Variants in SLC16A7 observed in about 807,000 individuals in gnomAD.
The protein encoded by SLC16A7 is monocarboxylate transporter 2.
SLC16A7 carries 33 observed loss-of-function variants against 34.9 expected under a neutral mutation model. The ratio of observed to expected loss-of-function variants is 0.94; its 90% confidence interval spans 0.72 to 1.26. The LOEUF is 1.26. Ranked by LOEUF, SLC16A7 falls within the 50% of genes most tolerant of loss-of-function variation. The pLI is 0.00. For missense variants in SLC16A7, 573 were observed against 578.1 expected (o/e 0.99, Z 0.09); for synonymous variants, 201 against 206.6 (o/e 0.97, Z 0.23).
At chr12:59,735,703 T>G (rs1877509373) in intron 3 of SLC16A7, among the ~76,000 whole-genome samples, 1 of 152,192 alleles carries the variant, frequency 6.6e-6, no homozygotes, top group African/African-American at 2.4e-5. Context: ...ACTGTAGCCC[T>G]GCTGCTTTTG....
intron 3 of SLC16A7, among the ~76,000 whole-genome samples, chr12:59,730,007 T>C (rs112908028): frequency 1.1e-3 from 169 of 152,300 alleles, no homozygotes; most frequent in Non-Finnish European, 2.1e-3. Context: ...ATTTGCAAGA[T>C]AGTTCTGTGT....
At chr12:59,716,207 G>A (rs1874876712) in intron 3 of SLC16A7, among the ~76,000 whole-genome samples, 1 of 152,170 alleles carries the variant, frequency 6.6e-6, no homozygotes, top group South Asian at 2.1e-4. Context: ...GTGGTTTCCT[G>A]CTTTGGCCTT....
At chr12:59,720,749 A>G (rs1466881968) in intron 3 of SLC16A7, among the ~76,000 whole-genome samples, 1 of 152,052 alleles carries the variant, frequency 6.6e-6, no homozygotes, top group African/African-American at 2.4e-5. Flanking sequence ...CTCAATCACC[A>G]TGTCGTATCT....
intron 3 of SLC16A7, among the ~76,000 whole-genome samples, chr12:59,739,523 T>G (rs1184316681): frequency 1.4e-5 from 2 of 143,702 alleles, no homozygotes; most frequent in Non-Finnish European, 3.0e-5. Context: ...TGTGTCTTTA[T>G]AGCAGCATGA....
intron 2 of SLC16A7, among the ~76,000 whole-genome samples, chr12:59,701,466 G>C (rs1188798374): frequency 6.6e-6 from 1 of 150,442 alleles, no homozygotes; most frequent in Non-Finnish European, 1.5e-5. Flanking sequence ...TTGTGTATAT[G>C]TGTGTGTGTG....
chr12:59,635,012 C>G (rs1022635511), intron 1 of SLC16A7, among the ~76,000 whole-genome samples: 3 of 152,000 alleles, frequency 2.0e-5, no homozygotes, highest in African/African-American at 7.2e-5. Flanking sequence ...ATTCTTTCAT[C>G]TAGTGTTAGT....
At chr12:59,745,036 A>T (rs1878745518) in intron 3 of SLC16A7, among the ~76,000 whole-genome samples, 1 of 152,068 alleles carries the variant, frequency 6.6e-6, no homozygotes, top group Admixed American at 6.6e-5. Context: ...GGTAGGGTAG[A>T]CCCTAAGGTT....
rs1041229907 is a variant in SLC16A7, at chr12:59,749,101, A to G, written c.218-22118A>G. Among the ~76,000 whole-genome samples, 8 of 152,330 alleles carry G rather than the reference A, an allele frequency of 5.3e-5. No individual in the cohort carries two copies. In the East Asian group the frequency reaches 1.5e-3, roughly 29 times the overall value. The stretch of plus-strand genomic sequence containing the variant: ...GACAAAAGTACACTAGTTTGGGGAA[A>G]AAAATGCCACAAAGGAAATTTATTA... On this transcript the variant is annotated intron_variant, in intron 3 of 5. Transcript: ENST00000547379.
chr12:59,712,015 GAC>G (rs1447667896), intron 3 of SLC16A7, among the ~76,000 whole-genome samples: 1 of 152,168 alleles, frequency 6.6e-6, no homozygotes, highest in Non-Finnish European at 1.5e-5. Context: ...TTTTACCTTG[GAC>G]ACAGTTTCCT....
At chr12:59,689,190 A>T (rs1048453247) in intron 2 of SLC16A7, 36 of 152,162 alleles carry the variant, frequency 2.4e-4, no homozygotes, top group African/African-American at 8.7e-4. Context: ...CAAGTGAATG[A>T]CAGTAATATA....
At chr12:59,637,120 G>A (rs548462846) in intron 1 of SLC16A7, among the ~76,000 whole-genome samples, 43 of 152,158 alleles carry the variant, frequency 2.8e-4, no homozygotes, top group African/African-American at 9.6e-4. Context: ...GATTATCTTT[G>A]CTTTAGCCTC....
intron 1 of SLC16A7, among the ~76,000 whole-genome samples, chr12:59,628,664 G>A (rs1880041113): frequency 6.6e-6 from 1 of 151,762 alleles, no homozygotes; most frequent in South Asian, 2.1e-4. Context: ...GTGCGTGTGT[G>A]TGTGCATGTG....
chr12:59,623,046 CTGTG>C (rs57399813), intron 1 of SLC16A7, among the ~76,000 whole-genome samples: 33,389 of 134,636 alleles, frequency 0.25, 3,936 homozygotes, highest in African/African-American at 0.28. Context: ...CTACTGAATG[CTGTG>C]TGTGTGTGTG....
intron 3 of SLC16A7, among the ~76,000 whole-genome samples, chr12:59,761,708 A>G (rs532622861): frequency 1.5e-4 from 23 of 152,210 alleles, no homozygotes; most frequent in African/African-American, 4.8e-4. Context: ...TTGTCAAGAA[A>G]CAGGAGTAAA....
At chr12:59,599,051 T>C (rs1878559796) in intron 1 of SLC16A7, among the ~76,000 whole-genome samples, 1 of 152,106 alleles carries the variant, frequency 6.6e-6, no homozygotes, top group East Asian at 1.9e-4. Flanking sequence ...ATGCGATCTG[T>C]TTGGCTTTAA....
chr12:59,766,410 G>A (rs80096057), intron 3 of SLC16A7, among the ~76,000 whole-genome samples: 37,917 of 152,046 alleles, frequency 0.25, 4,801 homozygotes, highest in East Asian at 0.31. Flanking sequence ...TCTTGTGCCA[G>A]TTTTTAAAGG....
At chr12:59,648,893 G>C (rs1356367002) in intron 1 of SLC16A7, among the ~76,000 whole-genome samples, 1 of 152,080 alleles carries the variant, frequency 6.6e-6, no homozygotes, top group Non-Finnish European at 1.5e-5. Context: ...GTGGTGCATA[G>C]GTATTGATTA....
In SLC16A7 at chr12:59,779,596, A is replaced by T; in HGVS notation, c.1354A>T (p.Ser452Cys). 3 of 1,612,272 alleles carry T rather than the reference A, an allele frequency of 1.9e-6. No individual in the cohort carries two copies. Among genetic ancestry groups the T allele is most frequent in the Non-Finnish European group, 2.5e-6 (3 of 1,178,726 alleles). ...RQKTRESEPLSKSKHSEDVNV... is the reference protein window; with the variant it reads ...RQKTRESEPLCKSKHSEDVNV... ...GAAGACCAGAGAATCTGAACCCTTG[A>T]GCAAATCTAAACATTCGGAAGATGT... is the stretch of plus-strand genomic sequence containing the variant. The change falls in exon 6 of 6, where the codon AGC becomes TGC. Residue 452 changes from serine (S) to cysteine (C), a missense_variant. Ser to Cys is a moderately radical substitution (Grantham distance 112). Coordinates refer to ENST00000547379, the MANE Select transcript of SLC16A7 (RefSeq NM_001270623.2).
intron 3 of SLC16A7, among the ~76,000 whole-genome samples, chr12:59,738,077 C>T (rs1219708396): frequency 2.0e-5 from 3 of 152,152 alleles, no homozygotes; most frequent in Admixed American, 2.0e-4. Context: ...TCTCATGGTG[C>T]TTTATCACAG....
Sources: allele counts gnomAD v4.1 joint callset (sites outside exome capture counted in the v4.1 genomes callset), GRCh38; gene constraint gnomAD v4.1.1; transcripts MANE v1.5; gene names NCBI Gene and HGNC (gene_info 2026-07-23, HGNC 2026-07-21).